Variants in MAPK10 observed in about 807,000 individuals in gnomAD.
MAPK10 encodes mitogen-activated protein kinase 10.
In MAPK10, 25 loss-of-function variants were observed where a neutral mutation model predicts 59.3. The observed-to-expected ratio is 0.42, with a 90% CI of 0.31 to 0.59. The LOEUF is 0.59. Ranked by LOEUF, MAPK10 falls within the 20% of genes least tolerant of loss-of-function variation. MAPK10 has a pLI of 0.15. For synonymous variants in MAPK10, 190 were observed against 200.5 expected (o/e 0.95, Z 0.44); for missense variants, 351 against 568.9 (o/e 0.62, Z 3.90).
chr4:86,555,249 C>T (rs958271893), intron 1 of MAPK10, among the ~76,000 whole-genome samples: 1 of 152,062 alleles, frequency 6.6e-6, no homozygotes, highest in African/African-American at 2.4e-5. Flanking sequence ...AGTTCAAGAC[C>T]AGGCTGACCA....
At chr4:86,379,039 A>G (rs1750222272) in intron 1 of MAPK10, among the ~76,000 whole-genome samples, 2 of 152,180 alleles carry the variant, frequency 1.3e-5, no homozygotes, top group African/African-American at 2.4e-5. Context: ...GTAGGTAAGT[A>G]TGGTCACAGC....
At chr4:86,344,020 G>A (rs1467623456) in intron 2 of MAPK10, among the ~76,000 whole-genome samples, 1 of 152,026 alleles carries the variant, frequency 6.6e-6, no homozygotes, top group Non-Finnish European at 1.5e-5. Context: ...AAATTCTTTA[G>A]GTTTCTCATT....
At chr4:86,432,288 G>A (rs148594795) in intron 1 of MAPK10, among the ~76,000 whole-genome samples, 4 of 152,142 alleles carry the variant, frequency 2.6e-5, no homozygotes, top group African/African-American at 7.2e-5. Context: ...GTTTTGTTTT[G>A]TTTGGAGATG....
intron 3 of MAPK10, among the ~76,000 whole-genome samples, chr4:86,179,060 G>C (rs1562756358): frequency 6.6e-6 from 1 of 152,052 alleles, no homozygotes; most frequent in Non-Finnish European, 1.5e-5. Flanking sequence ...GAATTAGCCA[G>C]GCATGGTGGT....
At chr4:86,133,088 A>G (rs962786412) in intron 4 of MAPK10, among the ~76,000 whole-genome samples, 1 of 152,212 alleles carries the variant, frequency 6.6e-6, no homozygotes, top group African/African-American at 2.4e-5. Flanking sequence ...TGTATATGAC[A>G]TTATCAGTAA....
intron 2 of MAPK10, among the ~76,000 whole-genome samples, chr4:86,197,252 T>C (rs1037755880): frequency 1.3e-5 from 2 of 152,182 alleles, no homozygotes; most frequent in African/African-American, 4.8e-5. Flanking sequence ...TGGCTCATAG[T>C]TCTCCTTGCT....
intron 1 of MAPK10, among the ~76,000 whole-genome samples, chr4:86,383,452 A>G (rs953701540): frequency 6.6e-6 from 1 of 152,216 alleles, no homozygotes; most frequent in Non-Finnish European, 1.5e-5. Flanking sequence ...ATAAACAGGT[A>G]GCTAAACAAT....
chr4:86,346,955 T>C (rs886385853), intron 2 of MAPK10, among the ~76,000 whole-genome samples: 4 of 152,074 alleles, frequency 2.6e-5, no homozygotes, highest in African/African-American at 7.2e-5. Context: ...GATTTATATA[T>C]ATCTTAATAG....
chr4:86,290,252 T>A (rs144088986), intron 2 of MAPK10, among the ~76,000 whole-genome samples: 9 of 152,292 alleles, frequency 5.9e-5, no homozygotes, highest in Non-Finnish European at 8.8e-5. Context: ...AGCTGGAAAG[T>A]GGCCCTGTGG....
upstream of MAPK10, among the ~76,000 whole-genome samples, chr4:86,455,861 T>C (rs994127900): frequency 1.3e-5 from 2 of 152,186 alleles, no homozygotes; most frequent in Non-Finnish European, 2.9e-5. Context: ...ATACATTCTA[T>C]TCAACAACAC....
intron 3 of MAPK10, among the ~76,000 whole-genome samples, chr4:86,181,222 G>A (rs1035495427): frequency 1.3e-5 from 2 of 151,886 alleles, no homozygotes; most frequent in African/African-American, 2.4e-5. Flanking sequence ...GTATTGAATC[G>A]ATGAATGGTA....
intron 3 of MAPK10, among the ~76,000 whole-genome samples, chr4:86,187,240 G>A (rs1031314518): frequency 6.6e-6 from 1 of 152,100 alleles, no homozygotes; most frequent in African/African-American, 2.4e-5. Context: ...GTTAGGCACA[G>A]TAAGATATTA....
At chr4:86,328,272 G>A (rs1367174005) in intron 2 of MAPK10, among the ~76,000 whole-genome samples, 1 of 152,182 alleles carries the variant, frequency 6.6e-6, no homozygotes, top group Non-Finnish European at 1.5e-5. Flanking sequence ...CTGATCATTA[G>A]AGAAATGCAA....
chr4:86,579,122 T>C (rs913896632), intron 1 of MAPK10, among the ~76,000 whole-genome samples: 1 of 152,212 alleles, frequency 6.6e-6, no homozygotes, highest in Non-Finnish European at 1.5e-5. Context: ...TTCAACAGGA[T>C]ATACGGCAAA....
intron 4 of MAPK10, among the ~76,000 whole-genome samples, chr4:86,136,215 C>T (rs2062047249): frequency 6.6e-6 from 1 of 152,042 alleles, no homozygotes; most frequent in Non-Finnish European, 1.5e-5. Context: ...AGAAGAGCAA[C>T]TCCAAAACAC....
chr4:86,200,451 C>T (rs2149329683), intron 2 of MAPK10, among the ~76,000 whole-genome samples: 1 of 152,046 alleles, frequency 6.6e-6, no homozygotes, highest in East Asian at 1.9e-4. Flanking sequence ...TTTTGCTCAG[C>T]AAAATGTCTT....
intron 4 of MAPK10, among the ~76,000 whole-genome samples, chr4:86,114,801 C>G (rs888926015): frequency 6.6e-6 from 1 of 152,234 alleles, no homozygotes. Context: ...AGACTGTGGC[C>G]GCTCCTCCCC....
intron 4 of MAPK10, among the ~76,000 whole-genome samples, chr4:86,118,463 G>A (rs1472039264): frequency 6.6e-6 from 1 of 151,952 alleles, no homozygotes; most frequent in Non-Finnish European, 1.5e-5. Context: ...CTTCTACCAG[G>A]TTTATTCCTA....
chr4:86,321,571 T>G (rs1282367459), intron 2 of MAPK10, among the ~76,000 whole-genome samples: 1 of 123,390 alleles, frequency 8.1e-6, no homozygotes, highest in Non-Finnish European at 1.6e-5. Flanking sequence ...AACATCACAC[T>G]CTGGGGACTG....
Sources: gnomAD v4.1 joint callset for allele counts (sites outside exome capture counted in the v4.1 genomes callset) on GRCh38, gnomAD v4.1.1 for gene constraint, MANE v1.5 for transcripts, NCBI Gene and HGNC (gene_info 2026-07-23, HGNC 2026-07-21) for gene names.